HBS1L: variants seen among roughly 807,000 people sequenced by gnomAD.
HBS1L encodes the protein HBS1 like translational GTPase.
Under a neutral mutation model 88.9 loss-of-function variants are expected in HBS1L, and 55 were observed. That is an observed-to-expected ratio of 0.62 (90% CI 0.50 to 0.77). The LOEUF (loss-of-function observed/expected upper bound fraction) is 0.77, where lower values mean the gene tolerates loss of function less well. HBS1L is among the 30% of genes least tolerant of loss of function. The pLI is 0.00. For synonymous variants in HBS1L, 267 were observed against 288.5 expected, an observed-to-expected ratio of 0.93 and a Z score of 0.76; for missense variants, 741 against 829.3, an observed-to-expected ratio of 0.89 and a Z score of 1.31.
intron 3 of HBS1L, among the ~76,000 whole-genome samples, chr6:135,040,169 G>A (rs1236773822): frequency 6.6e-6 from 1 of 152,072 alleles, no homozygotes; most frequent in East Asian, 1.9e-4. Flanking sequence ...TATTCACGAA[G>A]TATATTTCTT....
chr6:135,054,526 G>T, intron 1 of HBS1L, 123 bp downstream of exon 1: 2 of 1,101,154 alleles, frequency 1.8e-6, no homozygotes, highest in South Asian at 1.4e-5. Flanking sequence ...TCCCCAACTG[G>T]GGCTCTCCCA....
intron 1 of HBS1L, among the ~76,000 whole-genome samples, chr6:135,054,384 T>C (rs1777181674): frequency 6.6e-6 from 1 of 152,180 alleles, no homozygotes; most frequent in Non-Finnish European, 1.5e-5. Context: ...TCACCGGATC[T>C]CAACCTCACC....
chr6:134,961,014 A>G lies in HBS1L; in HGVS notation c.*4265T>C, dbSNP rs1774173781. 1 of 151,726 alleles carries G rather than the reference A, an allele frequency of 6.6e-6. No homozygotes were observed. Among genetic ancestry groups the G allele is most frequent in the African/African-American group, 2.4e-5 (1 of 41,394 alleles). 9.4% of individuals were successfully genotyped at this position (151,726 alleles called of 1,614,324 possible). A position where few individuals can be genotyped will look rare whatever the true frequency, so the allele number is the denominator to read the frequency against. Reference sequence around the variant, plus strand: ...ATAAAAACCTATTTTCATTTACTGTAATAATCACAACCTTTGTCTTCATTT... The same window carrying G: ...ATAAAAACCTATTTTCATTTACTGTGATAATCACAACCTTTGTCTTCATTT... On this transcript the variant is annotated 3_prime_UTR_variant, in exon 18 of 18. Coordinates refer to ENST00000367837, the MANE Select transcript of HBS1L (RefSeq NM_006620.4).
At chr6:135,011,789 TC>T (rs1775781551) in intron 4 of HBS1L, among the ~76,000 whole-genome samples, 1 of 151,002 alleles carries the variant, frequency 6.6e-6, no homozygotes, top group Non-Finnish European at 1.5e-5. Context: ...ACCTGTAATC[TC>T]AGCTACTCGG....
At chr6:134,994,153 T>C (rs150579011) in intron 7 of HBS1L, among the ~76,000 whole-genome samples, 4 of 152,140 alleles carry the variant, frequency 2.6e-5, no homozygotes, top group Non-Finnish European at 1.5e-5. Context: ...AGAAATAGTG[T>C]AAATTGTGAA....
intron 1 of HBS1L, 113 bp from the exon 2 acceptor site, chr6:135,050,760 G>A: frequency 1.5e-6 from 1 of 680,048 alleles, no homozygotes; most frequent in Non-Finnish European, 2.5e-6. Context: ...CAAAATTTAA[G>A]GATCCTAGAA....
At chr6:135,042,753 C>T (rs1776779990) in intron 2 of HBS1L, among the ~76,000 whole-genome samples, 1 of 148,968 alleles carries the variant, frequency 6.7e-6, no homozygotes, top group African/African-American at 2.5e-5. Context: ...GCGGAGGTTG[C>T]AGTGAGCCGA....
intron 3 of HBS1L, among the ~76,000 whole-genome samples, chr6:135,041,147 T>TAA (rs11390141): frequency 4.8e-4 from 72 of 149,708 alleles, no homozygotes; most frequent in African/African-American, 1.4e-3. Context: ...ACCCTTTCTT[T>TAA]AAAAAAAAAA....
At chr6:135,049,415 G>A (rs907882070) in intron 2 of HBS1L, among the ~76,000 whole-genome samples, 5 of 152,082 alleles carry the variant, frequency 3.3e-5, no homozygotes, top group Non-Finnish European at 7.4e-5. Context: ...TGAATCTGGG[G>A]AAACAAACAT....
chr6:134,981,055 C>A (rs967901582), intron 13 of HBS1L, among the ~76,000 whole-genome samples: 2 of 151,816 alleles, frequency 1.3e-5, no homozygotes, highest in African/African-American at 4.8e-5. Flanking sequence ...GTGGAAAGTA[C>A]AGAGAAGAGG....
At chr6:134,978,383 A>G (rs1031054301) in intron 15 of HBS1L, among the ~76,000 whole-genome samples, 1 of 152,004 alleles carries the variant, frequency 6.6e-6, no homozygotes, top group African/African-American at 2.4e-5. Context: ...AAACTTTAGA[A>G]CACAGTGAAA....
chr6:134,978,089 G>A (rs778695484), intron 15 of HBS1L, among the ~76,000 whole-genome samples: 42 of 152,052 alleles, frequency 2.8e-4, no homozygotes, highest in Non-Finnish European at 3.1e-4. Flanking sequence ...AGGATCCCCA[G>A]ACATTTACTG....
intron 17 of HBS1L, among the ~76,000 whole-genome samples, chr6:134,965,693 CA>C (rs1774292895): frequency 1.3e-5 from 2 of 152,178 alleles, no homozygotes; most frequent in African/African-American, 4.8e-5. Context: ...AGGAGAAATG[CA>C]TTTATGCCGC....
chr6:135,032,806 C>G (rs1030585692), intron 4 of HBS1L, among the ~76,000 whole-genome samples: 9 of 151,638 alleles, frequency 5.9e-5, no homozygotes, highest in Admixed American at 6.6e-5. Context: ...GTACTAAAAA[C>G]TAAATATAAA....
chr6:135,051,235 AAAAG>A (rs1331878708), intron 1 of HBS1L, among the ~76,000 whole-genome samples: 8 of 152,138 alleles, frequency 5.3e-5, no homozygotes, highest in Admixed American at 5.2e-4. Context: ...AAAAGAAAAA[AAAAG>A]AAAAAAAGAA....
chr6:135,050,423 GGAAAA>G (rs1333052457), intron 2 of HBS1L, among the ~76,000 whole-genome samples, 154 bp downstream of exon 2: 5 of 151,838 alleles, frequency 3.3e-5, no homozygotes, highest in African/African-American at 7.3e-5. Context: ...TCTACTCACA[GGAAAA>G]GAAATTATTT....
At chr6:135,050,189 T>C (rs907245185) in intron 2 of HBS1L, among the ~76,000 whole-genome samples, 1 of 152,226 alleles carries the variant, frequency 6.6e-6, no homozygotes, top group African/African-American at 2.4e-5. Context: ...ACTAAAGTAC[T>C]GTATAAAGGA....
At chr6:135,019,644 T>C (rs945280535) in intron 4 of HBS1L, among the ~76,000 whole-genome samples, 3 of 151,826 alleles carry the variant, frequency 2.0e-5, no homozygotes, top group East Asian at 3.8e-4. Context: ...TTCAGAAACA[T>C]GACCTTAAAG....
Position 134,985,336 on chromosome 6 carries a change from C to G in HBS1L, c.1492+5G>C, listed in dbSNP as rs762804160. The G allele has an allele frequency of 6.3e-7, 1 of 1,587,772 alleles. No homozygotes were observed. The highest frequency in any genetic ancestry group is 8.6e-7 in the Non-Finnish European group (1 of 1,161,450). On this transcript the variant is annotated splice_donor_5th_base_variant and intron_variant, in intron 12 of 17. Transcript: ENST00000367837. ...CTGAAGAAGCACTACAAAGGTAGCACTTACCTTTGAAAACATCGGACACAC... is the reference window on the plus strand; with the variant it reads ...CTGAAGAAGCACTACAAAGGTAGCAGTTACCTTTGAAAACATCGGACACAC...
Sources: allele counts gnomAD v4.1 joint callset (sites outside exome capture counted in the v4.1 genomes callset), GRCh38; gene constraint gnomAD v4.1.1; transcripts MANE v1.5; gene names NCBI Gene and HGNC (gene_info 2026-07-23, HGNC 2026-07-21).